PCDH11X: variants seen among roughly 807,000 people sequenced by gnomAD.
The protein encoded by PCDH11X is protocadherin 11 X-linked, also known as protocadherin-11 X-linked.
Under a neutral mutation model 53.3 loss-of-function variants are expected in PCDH11X, and 18 were observed. That is an observed-to-expected ratio of 0.34 (90% CI 0.23 to 0.50). The LOEUF (loss-of-function observed/expected upper bound fraction) is 0.50, where lower values mean the gene tolerates loss of function less well. PCDH11X is among the 20% of genes least tolerant of loss of function. The pLI, the probability that PCDH11X is intolerant of heterozygous loss-of-function variation, is 0.98. For missense variants in PCDH11X, 570 were observed against 1,032.4 expected (o/e 0.55, Z 6.14); for synonymous variants, 279 against 393.3 (o/e 0.71, Z 3.44).
chrX:92,532,678 G>C (rs1473868771), intron 10 of PCDH11X, among the ~76,000 whole-genome samples: 3 of 107,230 alleles, frequency 2.8e-5, no homozygotes, highest in African/African-American at 1.0e-4. Flanking sequence ...AAAGGAGAAG[G>C]CAAAGCAAGA....
intron 9 of PCDH11X, among the ~76,000 whole-genome samples, chrX:92,458,758 T>G (rs925913505): frequency 9.2e-6 from 1 of 108,409 alleles, no homozygotes; most frequent in African/African-American, 3.4e-5. Context: ...ATGCAGCACA[T>G]TTTCTTTATC....
At chrX:91,942,164 G>C (rs1394734071) in intron 6 of PCDH11X, among the ~76,000 whole-genome samples, 1 of 109,310 alleles carries the variant, frequency 9.1e-6, no homozygotes, top group Non-Finnish European at 1.9e-5. Context: ...GGAAGAAGAA[G>C]AACAAGTTAA....
At chrX:91,872,560 C>T (rs1210442825) in intron 5 of PCDH11X, among the ~76,000 whole-genome samples, 2 of 110,769 alleles carry the variant, frequency 1.8e-5, no homozygotes, top group Admixed American at 1.9e-4. Flanking sequence ...TTACCCTACA[C>T]TCACATTATT....
Position 92,196,916 on chromosome X carries a change from G to C in PCDH11X, c.3034-4459G>C, listed in dbSNP as rs6618905. ...ACATGGTGAATGGCTTCTGCTTCAT[G>C]TTGTTAGAGAAGATAAAACCATAAT... On this transcript the variant is annotated intron_variant, in intron 6 of 10. Transcript: ENST00000682573. 0.022 allele frequency among the ~76,000 whole-genome samples: 2,465 copies of C among 111,419 alleles called. 91 individuals carry two copies. The East Asian group carries it at 0.23, about 11-fold the overall frequency.
rs769442664 is a variant in PCDH11X, at chrX:92,293,914, A to G, written c.3144+30771A>G. On this transcript the variant is annotated intron_variant, in intron 8 of 10. Transcript: ENST00000682573. Reference sequence around the variant, plus strand: ...CTAGATGGGATCCTGGGTCAGAGAAAAGACATTAAGAAATAGAAATAAAGT... The same window carrying G: ...CTAGATGGGATCCTGGGTCAGAGAAGAGACATTAAGAAATAGAAATAAAGT... Among the ~76,000 whole-genome samples, 757 of 108,687 alleles carry G rather than the reference A, an allele frequency of 7.0e-3. 1 individual carries two copies. The highest frequency in any genetic ancestry group is 0.011 in the Non-Finnish European group (558 of 52,996). The allele number at this position is 108,687 out of a possible 115,157, so 94.4% of individuals were successfully genotyped here.
At chrX:91,987,489 T>C (rs1333894056) in intron 6 of PCDH11X, among the ~76,000 whole-genome samples, 1 of 111,600 alleles carries the variant, frequency 9.0e-6, no homozygotes, top group Non-Finnish European at 1.9e-5. Flanking sequence ...CAGGTGCTTA[T>C]TTATTTTAAA....
chrX:92,388,770 GA>G (rs750879865), intron 9 of PCDH11X, among the ~76,000 whole-genome samples: 5 of 105,326 alleles, frequency 4.7e-5, no homozygotes, highest in African/African-American at 1.0e-4. Flanking sequence ...AAACCAATAT[GA>G]AAAAAAATGG....
At chrX:92,287,120 T>C (rs2068391388) in intron 8 of PCDH11X, among the ~76,000 whole-genome samples, 1 of 111,805 alleles carries the variant, frequency 8.9e-6, no homozygotes, top group African/African-American at 3.2e-5. Context: ...TGACTGTCAG[T>C]AAAAAACAGA....
At chrX:92,152,356 G>A (rs1233376097) in intron 6 of PCDH11X, among the ~76,000 whole-genome samples, 1 of 106,509 alleles carries the variant, frequency 9.4e-6, no homozygotes, top group African/African-American at 3.4e-5. Context: ...ATAATTTTAT[G>A]TACTTTTCAA....
At chrX:92,324,034 T>A in intron 8 of PCDH11X, among the ~76,000 whole-genome samples, 1 of 105,540 alleles carries the variant, frequency 9.5e-6, no homozygotes, top group Non-Finnish European at 1.9e-5. Context: ...ATTAAAATCA[T>A]CTTAAGAGCA....
intron 10 of PCDH11X, among the ~76,000 whole-genome samples, chrX:92,518,250 A>T (rs1049575050): frequency 9.0e-6 from 1 of 111,687 alleles, no homozygotes; most frequent in Non-Finnish European, 1.9e-5. Flanking sequence ...AGTAAATGTG[A>T]TATGTTTTCC....
rs753160852 is a variant in PCDH11X at position 92,589,968 on chromosome X, A to T, written c.3368-28296A>T. On this transcript the variant is annotated intron_variant, in intron 10 of 10. Coordinates refer to ENST00000682573, the MANE Select transcript of PCDH11X (RefSeq NM_032968.5). ...GATTATAAGATCTGCAGCTTCCTCA[A>T]TTATTCCTACGATAACACCACTATT... 1.4e-3 allele frequency among the ~76,000 whole-genome samples: 158 copies of T among 111,161 alleles called. 1 individual carries two copies. Among genetic ancestry groups the T allele is most frequent in the African/African-American group, 5.0e-3 (154 of 30,594 alleles).
At chrX:91,941,765 T>C (rs2061513936) in intron 6 of PCDH11X, among the ~76,000 whole-genome samples, 1 of 110,786 alleles carries the variant, frequency 9.0e-6, no homozygotes, top group Admixed American at 9.7e-5. Context: ...TCTTTTCAAG[T>C]GCACATAGAG....
At chrX:92,429,055 C>T (rs1603309622) in intron 9 of PCDH11X, among the ~76,000 whole-genome samples, 2 of 110,552 alleles carry the variant, frequency 1.8e-5, no homozygotes, top group Middle Eastern at 4.6e-3. Flanking sequence ...AAATAAAATG[C>T]TAACTTATAG....
In PCDH11X at chrX:92,375,166, A is replaced by ATAT. The variant is rs1302181048; in HGVS notation, c.3145-12568_3145-12567insATT. Reference sequence around the variant, plus strand: ...TTTATATATATATATATATATATATATTTTTTTTTTTTTTTTTTTTTTTTT... The same window carrying ATAT: ...TTTATATATATATATATATATATATATATTTTTTTTTTTTTTTTTTTTTTTTTT... On this transcript the variant is annotated intron_variant, in intron 8 of 10. Coordinates refer to ENST00000682573, the MANE Select transcript of PCDH11X (RefSeq NM_032968.5). Among the ~76,000 whole-genome samples, 7 of 8,264 alleles carry ATAT rather than the reference A, an allele frequency of 8.5e-4. 1 individual carries two copies. The highest frequency in any genetic ancestry group is 4.3e-3 in the African/African-American group (7 of 1,618). 7.2% of individuals were successfully genotyped at this position (8,264 alleles called of 115,157 possible).
At position 92,274,125 on chromosome X, in the gene PCDH11X, G is replaced by C. The variant is rs185862599; in HGVS notation, c.3144+10982G>C. Among the ~76,000 whole-genome samples the C allele has an allele frequency of 7.7e-3, 785 of 101,367 alleles. 8 individuals carry two copies. The highest frequency in any genetic ancestry group is 0.029 in the African/African-American group (746 of 25,981). 88.0% of individuals were successfully genotyped at this position (101,367 alleles called of 115,157 possible). A position where few individuals can be genotyped will look rare whatever the true frequency, so the allele number is the denominator to read the frequency against. On this transcript the variant is annotated intron_variant, in intron 8 of 10. Transcript: ENST00000682573. ...GTTGGTCTGGTGTCGAATGAGACTG[G>C]GGCCTAATAAAAAGGAGCGTCTATA...
intron 8 of PCDH11X, among the ~76,000 whole-genome samples, chrX:92,280,449 G>T (rs1427233801): frequency 9.1e-6 from 1 of 109,451 alleles, no homozygotes; most frequent in Non-Finnish European, 1.9e-5. Flanking sequence ...TCAGGAGGCT[G>T]TGGTGGAGGT....
At position 91,839,928 on chromosome X, in the gene PCDH11X, A is replaced by G. The variant is rs774109119; in HGVS notation, c.540+3884A>G. ...TATAGCTATTTACATACTCACACAC[A>G]TCGTACTACACATTGCAGTATTTCG... On this transcript the variant is annotated intron_variant, in intron 5 of 10. Transcript: ENST00000682573. Among the ~76,000 whole-genome samples the G allele has an allele frequency of 5.4e-5, 6 of 111,980 alleles. No individual in the cohort carries two copies. The East Asian group carries it at 1.7e-3, about 32-fold the overall frequency.
intron 10 of PCDH11X, among the ~76,000 whole-genome samples, chrX:92,600,581 G>A (rs1272176034): frequency 1.8e-5 from 2 of 110,638 alleles, no homozygotes; most frequent in Non-Finnish European, 3.8e-5. Context: ...AGGCAGAGTT[G>A]TGCTGCAGGG....
Sources: gnomAD v4.1 joint callset for allele counts (sites outside exome capture counted in the v4.1 genomes callset) on GRCh38, gnomAD v4.1.1 for gene constraint, MANE v1.5 for transcripts, NCBI Gene and HGNC (gene_info 2026-07-23, HGNC 2026-07-21) for gene names.